Variants in KCNMA1 observed in about 807,000 individuals in gnomAD.
KCNMA1 encodes Calcium-activated potassium channel subunit alpha-1.
Under a neutral mutation model 140.0 loss-of-function variants are expected in KCNMA1, and 29 were observed. The observed-to-expected ratio is 0.21, with a 90% CI of 0.15 to 0.28. The LOEUF (loss-of-function observed/expected upper bound fraction) is 0.28, where lower values mean the gene tolerates loss of function less well. Ranked by LOEUF, KCNMA1 falls within the 10% of genes least tolerant of loss-of-function variation. KCNMA1 has a pLI of 1.00. For synonymous variants in KCNMA1, 612 were observed against 611.9 expected (o/e 1.00, Z 0.00); for missense variants, 880 against 1,602.2 (o/e 0.55, Z 7.70).
chr10:76,939,110 C>CTTTTT (rs71028244), intron 23 of KCNMA1: 9 of 66,704 alleles, frequency 1.3e-4, no homozygotes, highest in Non-Finnish European at 2.2e-4. Context: ...GCCACCTCTT[C>CTTTTT]TTTTTTTTTT....
chr10:77,136,045 C>T (rs985044866), intron 5 of KCNMA1, among the ~76,000 whole-genome samples: 26 of 152,158 alleles, frequency 1.7e-4, no homozygotes, highest in African/African-American at 5.8e-4. Flanking sequence ...GGAGATGACT[C>T]TACAATGAAA....
At chr10:77,061,420 G>A (rs924023251) in intron 14 of KCNMA1, among the ~76,000 whole-genome samples, 1 of 152,180 alleles carries the variant, frequency 6.6e-6, no homozygotes, top group Non-Finnish European at 1.5e-5. Flanking sequence ...TTCAACATCA[G>A]TAGGGAAATA....
intron 2 of KCNMA1, among the ~76,000 whole-genome samples, chr10:77,333,660 C>T (rs1317933896): frequency 2.0e-5 from 3 of 152,208 alleles, no homozygotes; most frequent in Non-Finnish European, 4.4e-5. Context: ...GCTTGTGGAA[C>T]CCATATTCCT....
rs769943779 is a variant in KCNMA1, at chr10:76,969,965, T to G, written c.2360+9A>C. On this transcript the variant is annotated intron_variant, in intron 20 of 27. Coordinates refer to ENST00000286628, the MANE Select transcript of KCNMA1 (RefSeq NM_001161352.2). ...AGGGAAACCGTGGGCAACCAGCCCC[T>G]CTCCTTACCTCATCAGCTTAGGCGA... The G allele has an allele frequency of 6.2e-7, 1 of 1,609,450 alleles. No individual in the cohort carries two copies. The highest frequency in any genetic ancestry group is 1.1e-5 in the South Asian group (1 of 90,972).
chr10:77,364,185 TCA>T (rs1235448536), intron 2 of KCNMA1, among the ~76,000 whole-genome samples: 1 of 152,164 alleles, frequency 6.6e-6, no homozygotes, highest in Non-Finnish European at 1.5e-5. Flanking sequence ...GCGCAGTGGC[TCA>T]CACCTGTAAT....
intron 23 of KCNMA1, among the ~76,000 whole-genome samples, chr10:76,937,627 T>C (rs1832364787): frequency 6.6e-6 from 1 of 152,224 alleles, no homozygotes. Context: ...TAATCCACAC[T>C]GTCTCACACA....
intron 18 of KCNMA1, among the ~76,000 whole-genome samples, chr10:77,006,427 C>A (rs993431714): frequency 1.3e-5 from 2 of 152,110 alleles, no homozygotes; most frequent in Admixed American, 1.3e-4. Flanking sequence ...CAGCAACTAA[C>A]GTTACTAATA....
intron 1 of KCNMA1, among the ~76,000 whole-genome samples, chr10:77,487,444 AAG>A (rs1198243787): frequency 6.6e-6 from 1 of 152,162 alleles, no homozygotes; most frequent in African/African-American, 2.4e-5. Flanking sequence ...AATACACAGA[AAG>A]AGAGAGAAGT....
Position 77,387,607 on chromosome 10 carries a change from CTTTCT to C in KCNMA1, c.540+16250_540+16254del, listed in dbSNP as rs796705269. On this transcript the variant is annotated intron_variant, in intron 2 of 27. Coordinates refer to ENST00000286628, the MANE Select transcript of KCNMA1 (RefSeq NM_001161352.2). Reference sequence around the variant, plus strand: ...TTTCTCTTTTCTTTTCTTTTCTTTTCTTTCTTTTCTTTTCTTTTCTTTTCTTTTTA... The same window carrying C: ...TTTCTCTTTTCTTTTCTTTTCTTTTCTTTCTTTTCTTTTCTTTTCTTTTTA... Among the ~76,000 whole-genome samples, 607 of 114,240 alleles carry C rather than the reference CTTTCT, an allele frequency of 5.3e-3. 5 individuals are homozygous for C. The highest frequency in any genetic ancestry group is 0.025 in the South Asian group (94 of 3,820). The allele number at this position is 114,240 out of a possible 152,430, so 74.9% of individuals were successfully genotyped here.
At chr10:77,507,096 G>A (rs192471972) in intron 1 of KCNMA1, among the ~76,000 whole-genome samples, 7 of 152,298 alleles carry the variant, frequency 4.6e-5, no homozygotes, top group Admixed American at 4.6e-4. Flanking sequence ...CAAATGGGCA[G>A]GGGAAGCAAA....
intron 1 of KCNMA1, among the ~76,000 whole-genome samples, chr10:77,629,072 T>C (rs563256510): frequency 3.9e-5 from 6 of 152,284 alleles, no homozygotes; most frequent in African/African-American, 1.4e-4. Context: ...CGTGAAGAAG[T>C]ATTAGTCATA....
Position 76,962,174 on chromosome 10 carries a change from C to T in KCNMA1, c.2360+7800G>A, listed in dbSNP as rs1018647491. On this transcript the variant is annotated intron_variant, in intron 20 of 27. Transcript: ENST00000286628. The stretch of plus-strand genomic sequence containing the variant: ...ATTTTAAAGTGCACAATTTCCCTTA[C>T]AGGCAAAGACAGCAAATCCCAGTTC... 3.9e-5 allele frequency among the ~76,000 whole-genome samples: 6 copies of T among 152,354 alleles called. No individual in the cohort carries two copies. The East Asian group carries it at 7.7e-4, about 20-fold the overall frequency.
intron 18 of KCNMA1, among the ~76,000 whole-genome samples, chr10:77,005,490 C>A (rs1196350740): frequency 1.3e-5 from 2 of 152,188 alleles, no homozygotes; most frequent in East Asian, 3.9e-4. Flanking sequence ...CATCTTAGGG[C>A]TCTTGAAACT....
rs924038064 is a variant in KCNMA1, at chr10:76,983,970, A to G, written c.2267-13903T>C. Reference sequence around the variant, plus strand: ...GAAAAATTGGGTATGTGTGGACAAAATAATTTTTAAAAATAGTTTTGCTTG... The same window carrying G: ...GAAAAATTGGGTATGTGTGGACAAAGTAATTTTTAAAAATAGTTTTGCTTG... On this transcript the variant is annotated intron_variant, in intron 19 of 27. Transcript: ENST00000286628. Among the ~76,000 whole-genome samples, 69 of 152,332 alleles carry G rather than the reference A, an allele frequency of 4.5e-4. 1 individual carries two copies. The highest frequency in any genetic ancestry group is 1.6e-3 in the African/African-American group (67 of 41,588).
chr10:77,151,762 C>T (rs951583029), intron 5 of KCNMA1, among the ~76,000 whole-genome samples: 2 of 152,182 alleles, frequency 1.3e-5, no homozygotes, highest in Non-Finnish European at 2.9e-5. Context: ...AGTTGACTCA[C>T]CTTGTGCAAT....
intron 5 of KCNMA1, among the ~76,000 whole-genome samples, chr10:77,160,990 C>G (rs1195956847): frequency 1.3e-5 from 2 of 152,172 alleles, no homozygotes; most frequent in African/African-American, 2.4e-5. Flanking sequence ...ACTTACGAGC[C>G]TATTTTTCTA....
chr10:76,934,325 G>T (rs1189449600), intron 23 of KCNMA1, among the ~76,000 whole-genome samples: 3 of 152,156 alleles, frequency 2.0e-5, no homozygotes, highest in Non-Finnish European at 4.4e-5. Flanking sequence ...CGCTCTTGTT[G>T]CTTTTAAGAA....
intron 2 of KCNMA1, among the ~76,000 whole-genome samples, chr10:77,352,639 TGTGTGTGTGTTTGTGTGTG>T (rs2093027011): frequency 6.6e-6 from 1 of 151,686 alleles, no homozygotes; most frequent in African/African-American, 2.4e-5. Flanking sequence ...TGTGTGTGTG[TGTGTGTGTGTTTGTGTGTG>T]TGTGTTAACA....
intron 26 of KCNMA1, among the ~76,000 whole-genome samples, chr10:76,891,009 A>G (rs2039803181): frequency 6.6e-6 from 1 of 152,194 alleles, no homozygotes; most frequent in African/African-American, 2.4e-5. Context: ...TCCTATTCAC[A>G]TATAAAAACT....
Sources: allele counts gnomAD v4.1 joint callset (sites outside exome capture counted in the v4.1 genomes callset), GRCh38; gene constraint gnomAD v4.1.1; transcripts MANE v1.5; gene names NCBI Gene and HGNC (gene_info 2026-07-23, HGNC 2026-07-21).